The following ABTB3 variants were observed in gnomAD, a reference collection of about 807,000 sequenced individuals.
ABTB3 encodes the protein ankyrin repeat- and BTB/POZ domain-containing protein 3.
chr12:107,649,654 C>A, the ABTB3 span: 1 of 198,554 alleles, frequency 5.0e-6, no homozygotes. Flanking sequence ...TCCTAGATGA[C>A]GTCTTCTCCC....
At chr12:107,482,974 T>A in the ABTB3 span, among the ~76,000 whole-genome samples, 1 of 42,424 alleles carries the variant, frequency 2.4e-5, no homozygotes, top group African/African-American at 8.3e-5. Flanking sequence ...CTTTCTTTCT[T>A]TCTTTCTTTC....
the ABTB3 span, among the ~76,000 whole-genome samples, chr12:107,570,434 C>T: frequency 8.5e-4 from 129 of 152,248 alleles, no homozygotes; most frequent in African/African-American, 3.0e-3. Context: ...AGGCTGGTCT[C>T]GAACTCCTAA....
chr12:107,657,867 A>G, the ABTB3 span: 1 of 750,222 alleles, frequency 1.3e-6, no homozygotes, highest in African/African-American at 1.8e-5. Context: ...CTGTTGAAAA[A>G]CAAAGGACTT....
chr12:107,509,225 A>G, the ABTB3 span, among the ~76,000 whole-genome samples: 1 of 152,212 alleles, frequency 6.6e-6, no homozygotes, highest in East Asian at 1.9e-4. Context: ...CTGGGAGAGA[A>G]GGAGGGATGA....
chr12:107,405,121 C>T, the ABTB3 span, among the ~76,000 whole-genome samples: 1 of 152,166 alleles, frequency 6.6e-6, no homozygotes, highest in Non-Finnish European at 1.5e-5. Context: ...TTTGATTCAC[C>T]AGCCTTGGGA....
the ABTB3 span, chr12:107,642,150 T>C: frequency 5.6e-5 from 91 of 1,614,000 alleles, no homozygotes; most frequent in African/African-American, 1.1e-3. Flanking sequence ...AGATTGGTTA[T>C]GTGAAATACT....
At chr12:107,649,244 A>C in the ABTB3 span, 7 of 1,613,766 alleles carry the variant, frequency 4.3e-6, no homozygotes, top group African/African-American at 8.0e-5. Flanking sequence ...GCCCAGAGTC[A>C]CTGCTCATTA....
chr12:107,319,673 T>C, the ABTB3 span: 1 of 1,536,208 alleles, frequency 6.5e-7, no homozygotes, highest in Non-Finnish European at 8.7e-7. Flanking sequence ...GGAGAGCCTC[T>C]TCCGGGACAT....
the ABTB3 span, among the ~76,000 whole-genome samples, chr12:107,513,673 T>A: frequency 1.1e-4 from 17 of 152,280 alleles, no homozygotes; most frequent in African/African-American, 3.8e-4. Context: ...CCCTGTCCCC[T>A]GCGTTCAATA....
the ABTB3 span, among the ~76,000 whole-genome samples, chr12:107,581,806 G>A: frequency 6.6e-6 from 1 of 152,174 alleles, no homozygotes; most frequent in South Asian, 2.1e-4. Flanking sequence ...GGGCCCCCAT[G>A]CGTGGGTGCT....
At chr12:107,535,562 C>T in the ABTB3 span, among the ~76,000 whole-genome samples, 1 of 152,122 alleles carries the variant, frequency 6.6e-6, no homozygotes, top group Non-Finnish European at 1.5e-5. Flanking sequence ...GTAACAAATT[C>T]AGTAAAGTTG....
At chr12:107,623,358 C>CT in the ABTB3 span, among the ~76,000 whole-genome samples, 575 of 69,672 alleles carry the variant, frequency 8.3e-3, 115 homozygotes, top group African/African-American at 0.021. Context: ...CACGCCTGGC[C>CT]TTTTTTTTTT....
At chr12:107,424,065 G>A in the ABTB3 span, among the ~76,000 whole-genome samples, 4 of 152,196 alleles carry the variant, frequency 2.6e-5, no homozygotes, top group African/African-American at 9.6e-5. Context: ...CACGTGACGT[G>A]GGAGGACTCA....
the ABTB3 span, among the ~76,000 whole-genome samples, chr12:107,383,877 T>G: frequency 1.3e-5 from 2 of 152,318 alleles, no homozygotes; most frequent in East Asian, 3.9e-4. Context: ...CACAGGGTCT[T>G]CCATCTGCTC....
the ABTB3 span, among the ~76,000 whole-genome samples, chr12:107,391,675 A>G: frequency 6.6e-6 from 1 of 152,190 alleles, no homozygotes; most frequent in East Asian, 1.9e-4. Flanking sequence ...ATGAGAAAAT[A>G]ACCTAGTTTG....
chr12:107,625,397 T>C, the ABTB3 span, among the ~76,000 whole-genome samples: 1 of 152,196 alleles, frequency 6.6e-6, no homozygotes, highest in East Asian at 1.9e-4. Context: ...ATCTGGATGT[T>C]TTCTGAGGCT....
At chr12:107,438,523 C>T in the ABTB3 span, among the ~76,000 whole-genome samples, 54 of 152,190 alleles carry the variant, frequency 3.5e-4, no homozygotes, top group Non-Finnish European at 6.8e-4. Flanking sequence ...TGTGCTGCAG[C>T]CTCAGGAGGC....
At chr12:107,604,615 A>G in the ABTB3 span, among the ~76,000 whole-genome samples, 1 of 152,242 alleles carries the variant, frequency 6.6e-6, no homozygotes, top group Non-Finnish European at 1.5e-5. Context: ...GATGAAATAT[A>G]AAAGTGTTGG....
At chr12:107,536,404 G>A in the ABTB3 span, among the ~76,000 whole-genome samples, 1 of 151,976 alleles carries the variant, frequency 6.6e-6, no homozygotes, top group Non-Finnish European at 1.5e-5. Context: ...TATATCAAAT[G>A]AAAAAGCTTC....
Sources: gnomAD v4.1 joint callset for allele counts (sites outside exome capture counted in the v4.1 genomes callset) on GRCh38, gnomAD v4.1.1 for gene constraint, MANE v1.5 for transcripts, NCBI Gene and HGNC (gene_info 2026-07-23, HGNC 2026-07-21) for gene names.